CNOT2: variants seen among roughly 807,000 people sequenced by gnomAD.
CNOT2 encodes CC chemokine receptor 4-negative regulator of transcription 2.
A neutral mutation model predicts 72.1 loss-of-function variants in CNOT2; 7 were observed. The ratio of observed to expected loss-of-function variants is 0.10; its 90% CI spans 0.06 to 0.18. The LOEUF (loss-of-function observed/expected upper bound fraction) is 0.18. CNOT2 is among the 10% of genes least tolerant of loss of function. The pLI is 1.00. For missense variants in CNOT2, 345 were observed against 660.3 expected, an observed-to-expected ratio of 0.52 and a Z score of 5.23; for synonymous variants, 196 against 225.6, an observed-to-expected ratio of 0.87 and a Z score of 1.17.
At chr12:70,339,863 C>A (rs1037984110) in intron 11 of CNOT2, among the ~76,000 whole-genome samples, 2 of 152,126 alleles carry the variant, frequency 1.3e-5, no homozygotes, top group African/African-American at 2.4e-5. Context: ...AATCTGACTA[C>A]CTACAGCCAC....
At chr12:70,259,510 C>G (rs780572363) in intron 1 of CNOT2, among the ~76,000 whole-genome samples, 1 of 152,132 alleles carries the variant, frequency 6.6e-6, no homozygotes, top group Admixed American at 6.5e-5. Context: ...TTCACTGATT[C>G]CATGGAGACC....
At chr12:70,352,852 A>C (rs1345393300) in intron 15 of CNOT2, among the ~76,000 whole-genome samples, 1 of 152,056 alleles carries the variant, frequency 6.6e-6, no homozygotes, top group Non-Finnish European at 1.5e-5. Flanking sequence ...AAATTTTAAA[A>C]CTCATGAAGT....
chr12:70,317,675 T>G (rs746791828), intron 3 of CNOT2, among the ~76,000 whole-genome samples: 10 of 150,362 alleles, frequency 6.7e-5, no homozygotes, highest in Non-Finnish European at 1.5e-4. Context: ...TACTGTTTTC[T>G]TTAGAGTGGT....
intron 14 of CNOT2, chr12:70,345,801 A>C (rs1291804949): frequency 6.3e-6 from 1 of 158,554 alleles, no homozygotes; most frequent in Non-Finnish European, 1.4e-5. Flanking sequence ...AGTTGGAGAT[A>C]CCTCAATTTC....
At chr12:70,273,614 T>C (rs1452542381) in intron 1 of CNOT2, among the ~76,000 whole-genome samples, 1 of 152,172 alleles carries the variant, frequency 6.6e-6, no homozygotes, top group Non-Finnish European at 1.5e-5. Context: ...TAAGCCCATA[T>C]CAAATGAAGA....
At chr12:70,320,812 A>G (rs893905376) in intron 4 of CNOT2, among the ~76,000 whole-genome samples, 2 of 151,954 alleles carry the variant, frequency 1.3e-5, no homozygotes, top group East Asian at 3.9e-4. Flanking sequence ...AACTAAGGTT[A>G]TTTTGTAAAG....
intron 1 of CNOT2, among the ~76,000 whole-genome samples, chr12:70,265,696 C>T (rs967680629): frequency 6.6e-6 from 1 of 150,812 alleles, no homozygotes; most frequent in African/African-American, 2.4e-5. Flanking sequence ...TGCCCTTTTT[C>T]AAGGTTTTTG....
intron 1 of CNOT2, among the ~76,000 whole-genome samples, chr12:70,260,747 A>C (rs1958702745): frequency 6.6e-6 from 1 of 151,700 alleles, no homozygotes. Context: ...TTATGTGTTT[A>C]TAATAATCTT....
At chr12:70,330,255 A>C in intron 5 of CNOT2, 32 bp from the exon 6 acceptor site, 2 of 1,082,290 alleles carry the variant, frequency 1.8e-6, no homozygotes, top group South Asian at 1.5e-5. Flanking sequence ...GATTGTAGAG[A>C]GCTTATTTAG....
Position 70,340,807 on chromosome 12 carries a change from G to A in CNOT2, c.1179-1300G>A, listed in dbSNP as rs549217916. ...TACAATCTCTTCATATAACAGCCAA[G>A]ACAATCCTTTTTTAATACATTACTC... On this transcript the variant is annotated intron_variant, in intron 11 of 15. Transcript: ENST00000229195. Among the ~76,000 whole-genome samples the A allele has an allele frequency of 1.5e-4, 22 of 150,694 alleles. 1 individual carries two copies. The South Asian group carries it at 4.4e-3, about 30-fold the overall frequency.
At chr12:70,323,286 C>T (rs977196324) in intron 4 of CNOT2, 1 of 151,638 alleles carries the variant, frequency 6.6e-6, no homozygotes, top group African/African-American at 2.4e-5. Flanking sequence ...TATTGCATGT[C>T]CTCATTGCCT....
chr12:70,327,446 G>A (rs1047166899), intron 4 of CNOT2: 6 of 151,894 alleles, frequency 4.0e-5, no homozygotes, highest in Admixed American at 6.6e-5. Context: ...CTATTAAAGA[G>A]CATTAGCAGC....
At chr12:70,319,560 T>C (rs1877935462) in intron 4 of CNOT2, among the ~76,000 whole-genome samples, 196 bp downstream of exon 4, 1 of 151,848 alleles carries the variant, frequency 6.6e-6, no homozygotes, top group Admixed American at 6.6e-5. Flanking sequence ...ATGGTTGCTA[T>C]TACTTGGATA....
At chr12:70,251,241 A>G (rs1013061534) in intron 1 of CNOT2, among the ~76,000 whole-genome samples, 2 of 152,208 alleles carry the variant, frequency 1.3e-5, no homozygotes, top group Non-Finnish European at 2.9e-5. Context: ...CATACTGTAG[A>G]AACATCCTAG....
chr12:70,335,390 A>T, intron 7 of CNOT2, 48 bp from the exon 8 acceptor site: 2 of 1,415,408 alleles, frequency 1.4e-6, no homozygotes, highest in Non-Finnish European at 2.0e-6. Context: ...ATAATCTCTT[A>T]AAAAATATTT....
chr12:70,245,554 A>C (rs1957840668), intron 1 of CNOT2, among the ~76,000 whole-genome samples: 2 of 152,152 alleles, frequency 1.3e-5, no homozygotes, highest in African/African-American at 4.8e-5. Flanking sequence ...GGGAATGAGA[A>C]TTGCCTGTTT....
rs149658398 is a variant in CNOT2 at position 70,321,299 on chromosome 12, C to G, written c.238+1935C>G. On this transcript the variant is annotated intron_variant, in intron 4 of 15. Coordinates refer to ENST00000229195, the MANE Select transcript of CNOT2 (RefSeq NM_014515.7). ...CAAGATATCGATCTAGAAGCTATAA[C>G]TAGTGGAAAAAGAAAGAGTCTAGGT... 1.9e-3 allele frequency among the ~76,000 whole-genome samples: 288 copies of G among 151,796 alleles called. 2 individuals carry two copies. The highest frequency in any genetic ancestry group is 6.7e-3 in the African/African-American group (279 of 41,472).
intron 15 of CNOT2, 79 bp downstream of exon 15, chr12:70,346,403 C>T: frequency 1.7e-6 from 2 of 1,155,442 alleles, no homozygotes; most frequent in Admixed American, 2.0e-5. Context: ...TTATAAGTAC[C>T]AATACATCCA....
chr12:70,298,713 A>C lies in CNOT2; in HGVS notation c.49-12182A>C, dbSNP rs1593161914. Among the ~76,000 whole-genome samples, 4 of 152,318 alleles carry C rather than the reference A, an allele frequency of 2.6e-5. No individual in the cohort carries two copies. In the South Asian group the frequency reaches 8.3e-4, roughly 32 times the overall value. ...AAAGGGCATTTTAAGTAGCCGTATCAGCATATGCAAAGACCGGGACATGGA... is the reference window on the plus strand; with the variant it reads ...AAAGGGCATTTTAAGTAGCCGTATCCGCATATGCAAAGACCGGGACATGGA... On this transcript the variant is annotated intron_variant, in intron 2 of 15. Transcript: ENST00000229195.
Sources: allele counts gnomAD v4.1 joint callset (sites outside exome capture counted in the v4.1 genomes callset), GRCh38; gene constraint gnomAD v4.1.1; transcripts MANE v1.5; gene names NCBI Gene and HGNC (gene_info 2026-07-23, HGNC 2026-07-21).